MAN1A1: variants seen among roughly 807,000 people sequenced by gnomAD.
MAN1A1 encodes the protein mannosidase alpha class 1A member 1, also known as mannosyl-oligosaccharide 1,2-alpha-mannosidase IA.
Under a neutral mutation model 70.8 loss-of-function variants are expected in MAN1A1, and 29 were observed. That is an observed-to-expected ratio of 0.41 (90% CI 0.31 to 0.56). MAN1A1 has a LOEUF of 0.56. Among genes scored for constraint, MAN1A1 ranks in the 20% least tolerant of loss-of-function variants. The pLI is 0.29. For missense variants in MAN1A1, 747 were observed against 841.3 expected (o/e 0.89, Z 1.39); for synonymous variants, 349 against 330.1 (o/e 1.06, Z -0.62).
At chr6:119,186,432 G>GA (rs1344510211) in intron 11 of MAN1A1, among the ~76,000 whole-genome samples, 4 of 152,104 alleles carry the variant, frequency 2.6e-5, no homozygotes, top group African/African-American at 9.7e-5. Context: ...GCAAAACAGG[G>GA]ACAGAAGAGC....
rs1410666991 is a variant in MAN1A1 at position 119,182,494 on chromosome 6, AT to A, written c.1720-2068del. The stretch of plus-strand genomic sequence containing the variant: ...GGAGTTTTATGGTTTCAGGTCTTAC[AT>A]TTAAGTCTTTAATTCATTTTGAGTT... On this transcript the variant is annotated intron_variant, in intron 11 of 12. Transcript: ENST00000368468. 2.7e-5 allele frequency among the ~76,000 whole-genome samples: 4 copies of A among 149,094 alleles called. No individual in the cohort carries two copies. The East Asian group carries it at 5.9e-4, about 22-fold the overall frequency.
chr6:119,344,467 T>C (rs1773676786), intron 2 of MAN1A1, among the ~76,000 whole-genome samples: 3 of 152,218 alleles, frequency 2.0e-5, no homozygotes, highest in Non-Finnish European at 2.9e-5. Flanking sequence ...CTCCCTGCTC[T>C]GGGGAAGGGC....
chr6:119,193,465 A>T (rs1257403138), intron 9 of MAN1A1, among the ~76,000 whole-genome samples: 1 of 152,148 alleles, frequency 6.6e-6, no homozygotes, highest in Non-Finnish European at 1.5e-5. Context: ...ATACAAATTC[A>T]GGATTTCCCC....
Position 119,227,309 on chromosome 6 carries a change from G to C in MAN1A1, c.992+20951C>G, listed in dbSNP as rs145021902. 7.9e-5 allele frequency among the ~76,000 whole-genome samples: 12 copies of C among 152,332 alleles called. No individual in the cohort carries two copies. The East Asian group carries it at 2.3e-3, about 29-fold the overall frequency. On this transcript the variant is annotated intron_variant, in intron 6 of 12. Coordinates refer to ENST00000368468, the MANE Select transcript of MAN1A1 (RefSeq NM_005907.4). ...TGCAAAGGGTCACTAGGAAAGTTTT[G>C]TGAGTAACGAAAAGTTGTATATCTT...
rs552660486 is a variant in MAN1A1 at position 119,344,453 on chromosome 6, T to C, written c.603+4010A>G. Reference sequence around the variant, plus strand: ...GAGAAAAACCTTCACAAACACTCCATGTCCTCCCTGCTCTGGGGAAGGGCC... The same window carrying C: ...GAGAAAAACCTTCACAAACACTCCACGTCCTCCCTGCTCTGGGGAAGGGCC... On this transcript the variant is annotated intron_variant, in intron 2 of 12. Transcript: ENST00000368468. Among the ~76,000 whole-genome samples, 7 of 152,340 alleles carry C rather than the reference T, an allele frequency of 4.6e-5. No individual in the cohort carries two copies. In the South Asian group the frequency reaches 1.0e-3, roughly 23 times the overall value.
chr6:119,344,834 A>G (rs1483848342), intron 2 of MAN1A1, among the ~76,000 whole-genome samples: 1 of 152,232 alleles, frequency 6.6e-6, no homozygotes, highest in Admixed American at 6.5e-5. Context: ...CATCAATATG[A>G]AAATGTTCTT....
rs146774216 is a variant in MAN1A1, at chr6:119,189,283, T to C, written c.1546+381A>G. 2.2e-3 allele frequency among the ~76,000 whole-genome samples: 336 copies of C among 152,276 alleles called. 4 individuals carry two copies. Among genetic ancestry groups the C allele is most frequent in the African/African-American group, 7.8e-3 (325 of 41,552 alleles). On this transcript the variant is annotated intron_variant, in intron 10 of 12. Transcript: ENST00000368468. The stretch of plus-strand genomic sequence containing the variant: ...CACTTTGTGTTTCAAATTCCTATTT[T>C]ATAAGAAGGGAGTGGGATTCATGAT...
intron 5 of MAN1A1, among the ~76,000 whole-genome samples, chr6:119,281,186 G>T (rs1235723512): frequency 6.6e-6 from 1 of 152,218 alleles, no homozygotes; most frequent in Admixed American, 6.5e-5. Context: ...CATATCCCAA[G>T]TCACACTCGT....
At chr6:119,339,632 AT>A (rs1217063657) in intron 2 of MAN1A1, among the ~76,000 whole-genome samples, 1 of 151,998 alleles carries the variant, frequency 6.6e-6, no homozygotes, top group Non-Finnish European at 1.5e-5. Context: ...GTGCTTTCAA[AT>A]TTTTCTTTCC....
chr6:119,252,228 T>A (rs1001547772), intron 5 of MAN1A1, among the ~76,000 whole-genome samples: 11 of 152,198 alleles, frequency 7.2e-5, no homozygotes, highest in African/African-American at 2.4e-4. Context: ...ATTGTTGGAA[T>A]TGGCCGTTTG....
Position 119,201,373 on chromosome 6 carries a change from G to A in MAN1A1, c.1117-26C>T, listed in dbSNP as rs139706370. 1.1e-3 allele frequency: 1,650 copies of A among 1,516,562 alleles called. 20 individuals are homozygous for A. The African/African-American group carries it at 0.02, about 18-fold the overall frequency. The allele number at this position is 1,516,562 out of a possible 1,614,324, so 93.9% of individuals were successfully genotyped here. ...CTATAATAGAAAATAAAATGTTACC[G>A]TGAAAATCTAAAAAACAATTTTCAT... On this transcript the variant is annotated intron_variant, in intron 7 of 12. Coordinates refer to ENST00000368468, the MANE Select transcript of MAN1A1 (RefSeq NM_005907.4).
Position 119,179,898 on chromosome 6 carries a change from T to A in MAN1A1, c.1883A>T (p.His628Leu). 1 of 1,613,586 alleles carries A rather than the reference T, an allele frequency of 6.2e-7. No homozygotes were observed. The highest frequency in any genetic ancestry group is 8.5e-7 in the Non-Finnish European group (1 of 1,179,540). Residue 628 changes from histidine (H) to leucine (L), a missense_variant, in exon 13 of 13, where the codon CAT becomes CTT. By Grantham distance (99) the His-to-Leu change is moderately conservative. This residue lies in a region of MAN1A1 where 419 missense variants were observed against 548.2 expected (regional missense o/e 0.76). Coordinates refer to ENST00000368468, the MANE Select transcript of MAN1A1 (RefSeq NM_005907.4). ...ATGTGCCTCGCTATTGAAGATCCAA[T>A]GCTCCAGTGGAAGAAGATCGTCGTC... ...FSDDDLLPLE[H>L]WIFNSEAHLL...
chr6:119,227,811 C>T (rs191317314), intron 6 of MAN1A1, among the ~76,000 whole-genome samples: 3 of 152,074 alleles, frequency 2.0e-5, no homozygotes, highest in African/African-American at 4.8e-5. Context: ...ATGTTAACAT[C>T]GGATTGAAAT....
intron 5 of MAN1A1, among the ~76,000 whole-genome samples, chr6:119,260,492 G>C (rs2114351320): frequency 6.6e-6 from 1 of 152,234 alleles, no homozygotes; most frequent in African/African-American, 2.4e-5. Context: ...GTTTGAAAGT[G>C]CAATTTCTGG....
chr6:119,200,988 A>T lies in MAN1A1; in HGVS notation c.1210+266T>A, dbSNP rs114137940. On this transcript the variant is annotated intron_variant, in intron 8 of 12. Coordinates refer to ENST00000368468, the MANE Select transcript of MAN1A1 (RefSeq NM_005907.4). The stretch of plus-strand genomic sequence containing the variant: ...CAGCTTGTTACAGATTAACATCCCC[A>T]CACTACTCTGGCCAGATCTTCCCTT... Among the ~76,000 whole-genome samples the T allele has an allele frequency of 2.7e-3, 412 of 152,252 alleles. 4 individuals carry two copies. The highest frequency in any genetic ancestry group is 9.1e-3 in the African/African-American group (379 of 41,558).
intron 6 of MAN1A1, among the ~76,000 whole-genome samples, chr6:119,222,310 C>G (rs1182135111): frequency 1.6e-5 from 2 of 128,042 alleles, no homozygotes; most frequent in Non-Finnish European, 3.4e-5. Context: ...TATCTTTCAT[C>G]TTTTTTTTTT....
intron 5 of MAN1A1, among the ~76,000 whole-genome samples, chr6:119,281,885 A>T (rs1776232662): frequency 6.7e-6 from 1 of 148,280 alleles, no homozygotes; most frequent in Admixed American, 6.7e-5. Flanking sequence ...GTGAAACCCC[A>T]TCTCTACTAA....
intron 6 of MAN1A1, among the ~76,000 whole-genome samples, chr6:119,213,465 A>C (rs1160924114): frequency 6.6e-6 from 1 of 152,226 alleles, no homozygotes; most frequent in Admixed American, 6.5e-5. Flanking sequence ...AAAATGAGGA[A>C]AACTCAGCAA....
intron 7 of MAN1A1, among the ~76,000 whole-genome samples, chr6:119,202,732 T>C (rs1773747202): frequency 6.6e-6 from 1 of 152,184 alleles, no homozygotes; most frequent in South Asian, 2.1e-4. Context: ...ACAGGACCAC[T>C]GTCACATATG....
Sources: gnomAD v4.1 joint callset for allele counts (sites outside exome capture counted in the v4.1 genomes callset) on GRCh38, gnomAD v4.1.1 for gene constraint, gnomAD v4.1.1 regional missense constraint, MANE v1.5 for transcripts, NCBI Gene and HGNC (gene_info 2026-07-23, HGNC 2026-07-21) for gene names.